Variants in NRBF2 observed in about 807,000 individuals in gnomAD.
NRBF2 encodes the protein nuclear receptor-binding factor 2.
In NRBF2, 12 loss-of-function variants were observed where a neutral mutation model predicts 28.5. The observed-to-expected ratio is 0.42, with a 90% CI of 0.27 to 0.68. NRBF2 has a LOEUF of 0.68. Ranked by LOEUF, NRBF2 falls within the 30% of genes least tolerant of loss-of-function variation. NRBF2 has a pLI of 0.24. For synonymous variants in NRBF2, 102 were observed against 116.5 expected, an observed-to-expected ratio of 0.88 and a Z score of 0.80; for missense variants, 274 against 333.5, an observed-to-expected ratio of 0.82 and a Z score of 1.39.
intron 1 of NRBF2, among the ~76,000 whole-genome samples, chr10:63,140,118 T>C (rs1323551079): frequency 6.6e-6 from 1 of 151,998 alleles, no homozygotes; most frequent in African/African-American, 2.4e-5. Context: ...AGCCTCTGGG[T>C]GACAGAATGA....
chr10:63,134,925 C>T (rs781435255), intron 1 of NRBF2, among the ~76,000 whole-genome samples: 9 of 152,148 alleles, frequency 5.9e-5, no homozygotes, highest in Non-Finnish European at 8.8e-5. Context: ...CCGGGGCTCA[C>T]GCCTGTAATC....
chr10:63,141,629 A>G (rs981267189), intron 1 of NRBF2, among the ~76,000 whole-genome samples: 1 of 152,222 alleles, frequency 6.6e-6, no homozygotes, highest in Admixed American at 6.5e-5. Flanking sequence ...TAATTTTCAC[A>G]AACTCTTTTG....
chr10:63,144,369 T>C (rs1034702388), intron 1 of NRBF2, among the ~76,000 whole-genome samples: 2 of 152,154 alleles, frequency 1.3e-5, no homozygotes, highest in Non-Finnish European at 2.9e-5. Flanking sequence ...TTCAGTCTAA[T>C]GTCCTCACAG....
rs201703767 is a variant in NRBF2, at chr10:63,153,918, G to C, written c.564G>C (p.Glu188Asp). ...LKRHVEFLVA[E>D]NERLRKENKQ... Reference sequence around the variant, plus strand: ...GGCATGTGGAATTCCTTGTGGCTGAGAATGAAAGATTAAGGAAAGAAAATA... The same window carrying C: ...GGCATGTGGAATTCCTTGTGGCTGACAATGAAAGATTAAGGAAAGAAAATA... Residue 188 changes from glutamate to aspartate, a missense_variant, in exon 4 of 4, where the codon GAG (glutamate) becomes GAC (aspartate). Transcript: ENST00000277746. 160 of 1,611,814 alleles carry C rather than the reference G, an allele frequency of 9.9e-5. No homozygotes were observed. The highest frequency in any genetic ancestry group is 7.5e-5 in the Non-Finnish European group (88 of 1,179,828).
chr10:63,135,952 G>A (rs970567343), intron 1 of NRBF2, among the ~76,000 whole-genome samples: 2 of 152,062 alleles, frequency 1.3e-5, no homozygotes, highest in Non-Finnish European at 2.9e-5. Flanking sequence ...CGGACACCTT[G>A]AATTCTTAAA....
intron 1 of NRBF2, among the ~76,000 whole-genome samples, chr10:63,144,243 G>C (rs1841524626): frequency 6.6e-6 from 1 of 151,996 alleles, no homozygotes; most frequent in African/African-American, 2.4e-5. Context: ...CCCCTCCCCT[G>C]TTCAATGATG....
At chr10:63,135,892 G>A (rs879156928) in intron 1 of NRBF2, among the ~76,000 whole-genome samples, 1 of 152,092 alleles carries the variant, frequency 6.6e-6, no homozygotes, top group Non-Finnish European at 1.5e-5. Flanking sequence ...TGATCCCCCC[G>A]CCTGGCCTCC....
chr10:63,135,612 T>C (rs1841362962), intron 1 of NRBF2, among the ~76,000 whole-genome samples: 1 of 152,064 alleles, frequency 6.6e-6, no homozygotes, highest in South Asian at 2.1e-4. Context: ...ATAAAATTTA[T>C]GTAGGCAAGT....
intron 1 of NRBF2, among the ~76,000 whole-genome samples, chr10:63,135,133 G>C (rs1191729668): frequency 6.6e-6 from 1 of 152,224 alleles, no homozygotes; most frequent in East Asian, 1.9e-4. Flanking sequence ...GTTGCAGTGG[G>C]CCGAGATTGT....
At chr10:63,144,644 C>A (rs940737099) in intron 1 of NRBF2, among the ~76,000 whole-genome samples, 1 of 152,006 alleles carries the variant, frequency 6.6e-6, no homozygotes, top group Non-Finnish European at 1.5e-5. Context: ...TCTCGATCTC[C>A]TGACCTTGTG....
At chr10:63,150,884 C>A (rs1005177938) in intron 2 of NRBF2, among the ~76,000 whole-genome samples, 1 of 152,038 alleles carries the variant, frequency 6.6e-6, no homozygotes, top group African/African-American at 2.4e-5. Context: ...GTGCAGTTTG[C>A]AGTAGGGTTT....
At chr10:63,143,183 G>A (rs34603929) in intron 1 of NRBF2, among the ~76,000 whole-genome samples, 30,646 of 152,118 alleles carry the variant, frequency 0.2, 4,057 homozygotes, top group Non-Finnish European at 0.29. Flanking sequence ...CTGAAATCCT[G>A]TAATTGAAAG....
intron 1 of NRBF2, among the ~76,000 whole-genome samples, chr10:63,139,318 T>G (rs1016551748): frequency 6.6e-5 from 10 of 152,208 alleles, no homozygotes; most frequent in African/African-American, 2.4e-4. Flanking sequence ...TGGCCTGGTG[T>G]TCCTTTTCTT....
rs190130885 is a variant in NRBF2 at position 63,134,385 on chromosome 10, A to T, written c.30+885A>T. Among the ~76,000 whole-genome samples the T allele has an allele frequency of 3.2e-4, 49 of 152,314 alleles. No homozygotes were observed. In the East Asian group the frequency reaches 9.5e-3, roughly 29 times the overall value. On this transcript the variant is annotated intron_variant, in intron 1 of 3. Transcript: ENST00000277746. The stretch of plus-strand genomic sequence containing the variant: ...AGGTTGCACACAGGAAGAACTTTTG[A>T]GTCACAGGTTTGCAATTCATTTGCG...
In NRBF2 at chr10:63,138,503, G is replaced by A. The variant is rs1434211303; in HGVS notation, c.30+5003G>A. ...TGTCGCAAAAAAAAAAAAAAAAATTGGGAGGCCAAGGCGGGCAGATCACGA... is the reference window on the plus strand; with the variant it reads ...TGTCGCAAAAAAAAAAAAAAAAATTAGGAGGCCAAGGCGGGCAGATCACGA... On this transcript the variant is annotated intron_variant, in intron 1 of 3. Coordinates refer to ENST00000277746, the MANE Select transcript of NRBF2 (RefSeq NM_030759.5). Among the ~76,000 whole-genome samples, 5 of 147,998 alleles carry A rather than the reference G, an allele frequency of 3.4e-5. No individual in the cohort carries two copies. The South Asian group carries it at 6.5e-4, about 19-fold the overall frequency.
In NRBF2 at chr10:63,146,269, A is replaced by G; in HGVS notation, c.91A>G (p.Ile31Val). The G allele has an allele frequency of 6.2e-7, 1 of 1,612,452 alleles. No individual in the cohort carries two copies. Among genetic ancestry groups the G allele is most frequent in the Non-Finnish European group, 8.5e-7 (1 of 1,179,608 alleles). ...LLAAGKYEEA[I>V]SCHKKAAAYL... is the part of the protein sequence containing the mutation. ...AGCTGCAGGCAAATACGAAGAGGCT[A>G]TTTCTTGTCACAAAAAGGCTGCAGG... The change falls in exon 2 of 4, where the codon ATT (isoleucine) becomes GTT (valine). Residue 31 changes from isoleucine (I) to valine (V), a missense_variant. Transcript: ENST00000277746.
At chr10:63,134,602 G>A (rs1841346630) in intron 1 of NRBF2, among the ~76,000 whole-genome samples, 1 of 152,156 alleles carries the variant, frequency 6.6e-6, no homozygotes, top group East Asian at 1.9e-4. Flanking sequence ...CTCGGCTTCA[G>A]GTTTTTTGGG....
chr10:63,151,691 A>G (rs1006203098), intron 2 of NRBF2, among the ~76,000 whole-genome samples: 8 of 152,202 alleles, frequency 5.3e-5, no homozygotes, highest in African/African-American at 1.9e-4. Flanking sequence ...AGGGCTTTTA[A>G]CCATAAGGCT....
chr10:63,136,566 A>G (rs1841382030), intron 1 of NRBF2, among the ~76,000 whole-genome samples: 1 of 152,206 alleles, frequency 6.6e-6, no homozygotes, highest in Non-Finnish European at 1.5e-5. Context: ...GGAACTTAGT[A>G]AGGTGTGTTT....
Sources: allele counts gnomAD v4.1 joint callset (sites outside exome capture counted in the v4.1 genomes callset), GRCh38; gene constraint gnomAD v4.1.1; transcripts MANE v1.5; gene names NCBI Gene and HGNC (gene_info 2026-07-23, HGNC 2026-07-21).